Variants in TNN observed in about 807,000 individuals in gnomAD.
TNN encodes the protein tenascin N.
TNN carries 122 observed loss-of-function variants against 134.4 expected under a neutral mutation model. The observed-to-expected ratio is 0.91, with a 90% CI of 0.78 to 1.06. TNN has a LOEUF of 1.06. TNN is among the 50% of genes least tolerant of loss of function. The pLI, the probability that TNN is intolerant of heterozygous loss-of-function variation, is 0.00. For synonymous variants in TNN, 710 were observed against 670.3 expected (o/e 1.06, Z -0.91); for missense variants, 1,739 against 1,699.4 (o/e 1.02, Z -0.41).
rs762946137 is a variant in TNN at position 175,117,206 on chromosome 1, G to C, written c.2386+1G>C. ...AAGGCTGACACCAAGGCCCAGACAGGTAAGGAGCATTGTTCTTTGGGAATA... is the reference window on the plus strand; with the variant it reads ...AAGGCTGACACCAAGGCCCAGACAGCTAAGGAGCATTGTTCTTTGGGAATA... On this transcript the variant is annotated splice_donor_variant, in intron 10 of 18. Coordinates refer to ENST00000239462, the MANE Select transcript of TNN (RefSeq NM_022093.2). LOFTEE classifies it high-confidence loss of function. The C allele has an allele frequency of 6.2e-7, 1 of 1,613,666 alleles. No individual in the cohort carries two copies. Among genetic ancestry groups the C allele is most frequent in the Non-Finnish European group, 8.5e-7 (1 of 1,179,938 alleles).
intron 17 of TNN, among the ~76,000 whole-genome samples, chr1:175,137,451 C>T (rs1049804003): frequency 2.0e-5 from 3 of 151,382 alleles, no homozygotes; most frequent in East Asian, 1.9e-4. Context: ...AGTGCTGATT[C>T]AAATAATAAG....
At chr1:175,116,437 C>CGGA (rs1675168195) in intron 9 of TNN, among the ~76,000 whole-genome samples, 1 of 139,242 alleles carries the variant, frequency 7.2e-6, no homozygotes, top group Non-Finnish European at 1.6e-5. Context: ...GTTACAAATA[C>CGGA]AGAAGTAAAG....
chr1:175,094,593 G>C (rs1168004423), intron 7 of TNN, among the ~76,000 whole-genome samples: 1 of 152,204 alleles, frequency 6.6e-6, no homozygotes, highest in African/African-American at 2.4e-5. Flanking sequence ...GCTTATCTCA[G>C]TTTGCAGTGG....
chr1:175,116,905 A>C, intron 9 of TNN, 34 bp from the exon 10 acceptor site: 2 of 1,614,190 alleles, frequency 1.2e-6, no homozygotes, highest in Non-Finnish European at 1.7e-6. Context: ...GTACCAGTTC[A>C]TAGTGTTCAT....
At chr1:175,079,137 C>T (rs1207987992) in intron 2 of TNN, among the ~76,000 whole-genome samples, 196 bp from the exon 3 acceptor site, 1 of 152,172 alleles carries the variant, frequency 6.6e-6, no homozygotes, top group Non-Finnish European at 1.5e-5. Flanking sequence ...CTGGCCCAGG[C>T]TGGAAAGGGC....
At position 175,123,552 on chromosome 1, in the gene TNN, C is replaced by A. The variant is rs201829406; in HGVS notation, c.2803C>A (p.His935Asn). Residue 935 changes from histidine (H) to asparagine (N), a missense_variant, in exon 12 of 19, where the codon CAC (histidine) becomes AAC (asparagine). His to Asn is a moderately conservative substitution (Grantham distance 68). Coordinates refer to ENST00000239462, the MANE Select transcript of TNN (RefSeq NM_022093.2). The part of the protein sequence containing the change: ...ETREVPVGKE[H>N]SSTVLTGLRP... ...CAGGGAGGTTCCGGTGGGGAAGGAG[C>A]ACAGCAGCACTGTCCTGACGGGCCT... The A allele has an allele frequency of 1.2e-6, 2 of 1,614,038 alleles. No homozygotes were observed. The highest frequency in any genetic ancestry group is 2.2e-5 in the East Asian group (1 of 44,872).
intron 8 of TNN, among the ~76,000 whole-genome samples, chr1:175,097,892 A>G (rs963216639): frequency 6.6e-6 from 1 of 152,240 alleles, no homozygotes; most frequent in South Asian, 2.1e-4. Flanking sequence ...CCACTGAAAG[A>G]GAGAAGTAAA....
At chr1:175,140,064 A>G (rs1488401263) in intron 17 of TNN, among the ~76,000 whole-genome samples, 2 of 152,238 alleles carry the variant, frequency 1.3e-5, no homozygotes, top group Non-Finnish European at 2.9e-5. Context: ...TTGTGTGACT[A>G]AGCACACTGT....
rs1159506812 is a variant in TNN at position 175,147,007 on chromosome 1, A to G, written c.3836A>G (p.Tyr1279Cys). The change falls in exon 19 of 19, where the codon TAC becomes TGC. Residue 1279 changes from tyrosine to cysteine, a missense_variant. Tyr to Cys is a radical substitution (Grantham distance 194, BLOSUM62 -2). Transcript: ENST00000239462. Reference protein sequence around the residue: ...YVELKIRPHGYSREPVLGRKK... With the variant: ...YVELKIRPHGCSREPVLGRKK... ...GAGTTGAAAATCCGCCCTCATGGCT[A>G]CAGCAGGGAGCCTGTCCTGGGCAGA... 8 of 1,605,640 alleles carry G rather than the reference A, an allele frequency of 5.0e-6. No homozygotes were observed. The Admixed American group carries it at 6.8e-5, about 14-fold the overall frequency.
At chr1:175,126,644 G>GC (rs1156847698) in intron 12 of TNN, among the ~76,000 whole-genome samples, 1 of 152,102 alleles carries the variant, frequency 6.6e-6, no homozygotes, top group East Asian at 1.9e-4. Context: ...CCATCTCTGA[G>GC]GATCTATCTG....
At chr1:175,085,169 G>A (rs936444099) in intron 5 of TNN, among the ~76,000 whole-genome samples, 1 of 152,234 alleles carries the variant, frequency 6.6e-6, no homozygotes, top group African/African-American at 2.4e-5. Flanking sequence ...TTCAATTGCT[G>A]TCATCTCATT....
chr1:175,125,721 C>T (rs1355229798), intron 12 of TNN, among the ~76,000 whole-genome samples: 1 of 93,984 alleles, frequency 1.1e-5, no homozygotes. Flanking sequence ...TTCTTTCTTT[C>T]TTTCTTTCTT....
At chr1:175,092,269 C>T (rs12087791) in intron 6 of TNN, among the ~76,000 whole-genome samples, 39,810 of 152,092 alleles carry the variant, frequency 0.26, 6,175 homozygotes, top group African/African-American at 0.43. Context: ...TCTATCGTTG[C>T]ACTCTTTTCC....
At chr1:175,098,171 C>T (rs1410156434) in intron 8 of TNN, among the ~76,000 whole-genome samples, 161 bp from the exon 9 acceptor site, 6 of 152,152 alleles carry the variant, frequency 3.9e-5, no homozygotes, top group Non-Finnish European at 1.5e-5. Flanking sequence ...AGTTCAGAAC[C>T]AAGGGCTACT....
chr1:175,074,308 C>T (rs1673987646), intron 1 of TNN, among the ~76,000 whole-genome samples: 1 of 151,874 alleles, frequency 6.6e-6, no homozygotes, highest in Non-Finnish European at 1.5e-5. Context: ...GATGGTGAAA[C>T]CCCATCTCCA....
chr1:175,131,713 AT>A (rs1675677563), intron 15 of TNN, among the ~76,000 whole-genome samples: 1 of 152,194 alleles, frequency 6.6e-6, no homozygotes, highest in Admixed American at 6.5e-5. Context: ...ATTTACTATG[AT>A]TAATGATCTT....
At position 175,098,570 on chromosome 1, in the gene TNN, G is replaced by C. The variant is rs143149883; in HGVS notation, c.2094G>C (p.Lys698Asn). The change falls in exon 9 of 19, where the codon AAG becomes AAC. Residue 698 changes from lysine to asparagine, a missense_variant. Transcript: ENST00000239462. Reference protein sequence around the residue: ...VWAQKGDQESKKADTKAQTDI... With the variant: ...VWAQKGDQESNKADTKAQTDI... Reference sequence around the variant, plus strand: ...CCCAGAAGGGGGACCAGGAGAGCAAGAAGGCCGACACCAAGGCCCAGACAG... The same window carrying C: ...CCCAGAAGGGGGACCAGGAGAGCAACAAGGCCGACACCAAGGCCCAGACAG... The C allele has an allele frequency of 3.7e-6, 6 of 1,614,076 alleles. No individual in the cohort carries two copies. In the Admixed American group the frequency reaches 5.0e-5, roughly 13 times the overall value.
intron 15 of TNN, 54 bp from the exon 16 acceptor site, chr1:175,135,791 C>T: frequency 7.0e-7 from 1 of 1,425,690 alleles, no homozygotes; most frequent in East Asian, 2.3e-5. Context: ...TCTTGTCTCC[C>T]AGCACCTATG....
At chr1:175,099,072 C>A (rs1007533881) in intron 9 of TNN, among the ~76,000 whole-genome samples, 3 of 152,152 alleles carry the variant, frequency 2.0e-5, no homozygotes, top group Non-Finnish European at 4.4e-5. Flanking sequence ...AATAAAATAT[C>A]TAGTCATTTT....
Sources: allele counts gnomAD v4.1 joint callset (sites outside exome capture counted in the v4.1 genomes callset), GRCh38; gene constraint gnomAD v4.1.1; transcripts MANE v1.5; gene names NCBI Gene and HGNC (gene_info 2026-07-23, HGNC 2026-07-21).